The following NUP93 variants were observed in gnomAD, a reference collection of about 807,000 sequenced individuals.
NUP93 encodes the protein nuclear pore complex protein Nup93.
Under a neutral mutation model 107.8 loss-of-function variants are expected in NUP93, and 55 were observed. That is an observed-to-expected ratio of 0.51 (90% confidence interval 0.41 to 0.64). The LOEUF (loss-of-function observed/expected upper bound fraction) is 0.64, where lower values mean the gene tolerates loss of function less well. Ranked by LOEUF, NUP93 falls within the 30% of genes least tolerant of loss-of-function variation. The pLI is 0.00. For missense variants in NUP93, 937 were observed against 1,044.7 expected (o/e 0.90, Z 1.42); for synonymous variants, 390 against 397.5 (o/e 0.98, Z 0.22).
At chr16:56,739,948 C>T (rs1387447414) in intron 1 of NUP93, among the ~76,000 whole-genome samples, 1 of 100,552 alleles carries the variant, frequency 9.9e-6, no homozygotes, top group African/African-American at 4.1e-5. Context: ...GGCGGGGGGC[C>T]GACCCCCCCC....
intron 18 of NUP93, 25 bp from the exon 19 acceptor site, chr16:56,838,927 C>T (rs760639347): frequency 9.3e-6 from 14 of 1,511,988 alleles, no homozygotes; most frequent in South Asian, 1.1e-5. Context: ...ACTCTTACTA[C>T]CCCCACCCCG....
At chr16:56,746,234 C>T (rs565120249) in intron 1 of NUP93, among the ~76,000 whole-genome samples, 6 of 152,134 alleles carry the variant, frequency 3.9e-5, no homozygotes, top group South Asian at 2.1e-4. Context: ...ACCATGGTTT[C>T]GTGTAATTAG....
intron 5 of NUP93, 82 bp from the exon 6 acceptor site, chr16:56,818,582 G>T: frequency 9.1e-7 from 1 of 1,104,848 alleles, no homozygotes; most frequent in Non-Finnish European, 1.4e-6. Flanking sequence ...TTAAAGACAA[G>T]AATATGTTTA....
intron 6 of NUP93, 52 bp downstream of exon 6, chr16:56,818,790 T>C: frequency 6.8e-7 from 1 of 1,472,060 alleles, no homozygotes; most frequent in Admixed American, 1.9e-5. Flanking sequence ...TGTGAACCTC[T>C]AGGGAGTAAA....
intron 16 of NUP93, among the ~76,000 whole-genome samples, chr16:56,834,992 A>G (rs1963881557): frequency 6.6e-6 from 1 of 152,244 alleles, no homozygotes; most frequent in Non-Finnish European, 1.5e-5. Flanking sequence ...ATTTGTGATT[A>G]CATAGCTTTT....
At chr16:56,772,560 A>C (rs1469445606) in intron 3 of NUP93, among the ~76,000 whole-genome samples, 4 of 152,212 alleles carry the variant, frequency 2.6e-5, no homozygotes, top group African/African-American at 7.2e-5. Context: ...CTATGGAATG[A>C]CATTTCCCCA....
At chr16:56,811,771 A>G (rs1296312903) in intron 5 of NUP93, among the ~76,000 whole-genome samples, 2 of 152,120 alleles carry the variant, frequency 1.3e-5, no homozygotes, top group African/African-American at 2.4e-5. Context: ...GCGTCTGGCC[A>G]TGAAATGTCT....
chr16:56,829,931 G>A (rs1400608424), intron 9 of NUP93, among the ~76,000 whole-genome samples: 1 of 152,248 alleles, frequency 6.6e-6, no homozygotes, highest in Non-Finnish European at 1.5e-5. Context: ...GAAAAGCAAA[G>A]ACAGAAGCGT....
Position 56,844,161 on chromosome 16 carries a change from T to A in NUP93, c.2350-338T>A, listed in dbSNP as rs80173153. Among the ~76,000 whole-genome samples the A allele has an allele frequency of 0.035, 5,265 of 152,166 alleles. 130 individuals carry two copies. The highest frequency in any genetic ancestry group is 0.076 in the East Asian group (392 of 5,180). On this transcript the variant is annotated intron_variant, in intron 21 of 21. Transcript: ENST00000308159. ...CAGCCAGAGAGAGAGGCTCAGAAGA[T>A]TGGAGCAGGCAGTTCTGAAGCTCAG...
intron 1 of NUP93, among the ~76,000 whole-genome samples, chr16:56,737,071 C>T (rs1961626248): frequency 6.6e-6 from 1 of 152,228 alleles, no homozygotes; most frequent in South Asian, 2.1e-4. Context: ...TATGTGACCA[C>T]TGTCCATATT....
intron 3 of NUP93, among the ~76,000 whole-genome samples, chr16:56,775,190 C>T (rs915027279): frequency 2.0e-5 from 3 of 152,100 alleles, no homozygotes; most frequent in East Asian, 1.9e-4. Flanking sequence ...TGTGAGCCAC[C>T]GCGCCCAGCC....
At chr16:56,814,572 T>G (rs1377875190) in intron 5 of NUP93, among the ~76,000 whole-genome samples, 1 of 152,182 alleles carries the variant, frequency 6.6e-6, no homozygotes, top group Non-Finnish European at 1.5e-5. Context: ...TGTACAATAG[T>G]AGGTGCTTAA....
chr16:56,734,275 G>T (rs1411968388), intron 1 of NUP93, among the ~76,000 whole-genome samples: 1 of 152,184 alleles, frequency 6.6e-6, no homozygotes, highest in Non-Finnish European at 1.5e-5. Context: ...GAATTAAGGG[G>T]GTTAGCTAGG....
At chr16:56,832,253 G>T (rs756473498) in intron 11 of NUP93, 42 bp from the exon 12 acceptor site, 8 of 1,515,976 alleles carry the variant, frequency 5.3e-6, no homozygotes, top group Non-Finnish European at 7.3e-6. Flanking sequence ...GTGGCTCAGG[G>T]TGTCATTTGT....
chr16:56,772,063 T>G (rs543862388), intron 3 of NUP93, among the ~76,000 whole-genome samples: 1 of 152,246 alleles, frequency 6.6e-6, no homozygotes, highest in African/African-American at 2.4e-5. Flanking sequence ...TCACTTTTGC[T>G]TTCCTTCTGT....
At position 56,748,240 on chromosome 16, in the gene NUP93, C is replaced by A. The variant is rs2144456724; in HGVS notation, c.-8C>A. On this transcript the variant is annotated 5_prime_UTR_variant, in exon 2 of 22. Coordinates refer to ENST00000308159, the MANE Select transcript of NUP93 (RefSeq NM_014669.5). ...CATTTTTTCTCCCATCTAGGATCTG[C>A]ATCTCCAATGGATACTGAGGGGTTT... The A allele has an allele frequency of 6.3e-7, 1 of 1,584,694 alleles. No homozygotes were observed. The highest frequency in any genetic ancestry group is 8.6e-7 in the Non-Finnish European group (1 of 1,161,480).
intron 5 of NUP93, among the ~76,000 whole-genome samples, chr16:56,805,857 A>C (rs183675864): frequency 1.3e-5 from 2 of 151,828 alleles, no homozygotes; most frequent in Admixed American, 6.6e-5. Flanking sequence ...CCTGACCTCT[A>C]TAGGTTTGAG....
At chr16:56,763,196 T>C (rs1385847014) in intron 3 of NUP93, among the ~76,000 whole-genome samples, 2 of 152,348 alleles carry the variant, frequency 1.3e-5, no homozygotes, top group African/African-American at 4.8e-5. Flanking sequence ...AGATATCCAT[T>C]GCTAGTCGTT....
intron 3 of NUP93, among the ~76,000 whole-genome samples, 158 bp downstream of exon 3, chr16:56,758,813 A>G (rs1421459868): frequency 1.3e-5 from 2 of 152,226 alleles, no homozygotes; most frequent in African/African-American, 4.8e-5. Context: ...TTGGAGGTAT[A>G]GTGGAAAACA....
Sources: allele counts gnomAD v4.1 joint callset (sites outside exome capture counted in the v4.1 genomes callset), GRCh38; gene constraint gnomAD v4.1.1; transcripts MANE v1.5; gene names NCBI Gene and HGNC (gene_info 2026-07-23, HGNC 2026-07-21).